The following IFRD1 variants were observed in gnomAD, a reference collection of about 807,000 sequenced individuals.
The protein encoded by IFRD1 is interferon-related developmental regulator 1.
IFRD1 carries 35 observed loss-of-function variants against 52.9 expected under a neutral mutation model. That is an observed-to-expected ratio of 0.66 (90% CI 0.51 to 0.88). IFRD1 has a LOEUF of 0.88. Ranked by LOEUF, IFRD1 falls within the 40% of genes least tolerant of loss-of-function variation. The probability of loss-of-function intolerance (pLI) is 0.00; values close to 1 mark genes in which losing one functional copy is unlikely to be tolerated. For missense variants in IFRD1, 517 were observed against 550.8 expected (o/e 0.94, Z 0.61); for synonymous variants, 184 against 188.4 (o/e 0.98, Z 0.19).
At chr7:112,433,277 T>C (rs943347523) in intron 1 of IFRD1, among the ~76,000 whole-genome samples, 1 of 151,942 alleles carries the variant, frequency 6.6e-6, no homozygotes, top group Non-Finnish European at 1.5e-5. Context: ...ATTTGGTGAG[T>C]AGTGGGTTGG....
chr7:112,425,367 A>G lies in IFRD1; in HGVS notation c.-182+1935A>G, dbSNP rs539456922. 4.6e-5 allele frequency among the ~76,000 whole-genome samples: 7 copies of G among 152,288 alleles called. No individual in the cohort carries two copies. The East Asian group carries it at 1.4e-3, about 29-fold the overall frequency. On this transcript the variant is annotated intron_variant, in intron 1 of 12. Coordinates refer to the IFRD1 transcript ENST00000005558. Reference sequence around the variant, plus strand: ...ACTGAATGAGGAAGATCTGCCCTCAATGTGGGTGGGCACCATCCAACGTGG... The same window carrying G: ...ACTGAATGAGGAAGATCTGCCCTCAGTGTGGGTGGGCACCATCCAACGTGG...
chr7:112,432,912 G>C (rs1362459029), intron 1 of IFRD1, among the ~76,000 whole-genome samples: 1 of 152,210 alleles, frequency 6.6e-6, no homozygotes, highest in Non-Finnish European at 1.5e-5. Context: ...TTTGAAAACA[G>C]AGTGAAAACA....
In IFRD1 at chr7:112,430,893, G is replaced by T. The variant is rs570904605; in HGVS notation, c.-182+7461G>T. 1.7e-3 allele frequency among the ~76,000 whole-genome samples: 252 copies of T among 152,286 alleles called. 8 individuals carry two copies. The South Asian group carries it at 0.051, about 31-fold the overall frequency. ...CCAGCATCATGTTTCACCTAGGTCAGCACCGTGTTCCCCAGCTAATTGATA... is the reference window on the plus strand; with the variant it reads ...CCAGCATCATGTTTCACCTAGGTCATCACCGTGTTCCCCAGCTAATTGATA... On this transcript the variant is annotated intron_variant, in intron 1 of 12. Coordinates refer to the IFRD1 transcript ENST00000005558.
chr7:112,473,669 C>T (rs2117339745), intron 11 of IFRD1, among the ~76,000 whole-genome samples: 1 of 152,286 alleles, frequency 6.6e-6, no homozygotes, highest in South Asian at 2.1e-4. Flanking sequence ...AGGTGATCCA[C>T]CCACTTTGGC....
intron 8 of IFRD1, 83 bp from the exon 9 acceptor site, chr7:112,467,898 T>A (rs1795651156): frequency 7.7e-7 from 1 of 1,296,350 alleles, no homozygotes; most frequent in Admixed American, 1.7e-5. Context: ...ATTTTCCAAA[T>A]GTAGACTGTT....
At chr7:112,425,788 C>T (rs545004311) in intron 1 of IFRD1, among the ~76,000 whole-genome samples, 1 of 152,140 alleles carries the variant, frequency 6.6e-6, no homozygotes, top group Non-Finnish European at 1.5e-5. Context: ...TGGGGCACTA[C>T]TCCTTCAAGA....
intron 5 of IFRD1, among the ~76,000 whole-genome samples, chr7:112,460,241 G>GTTTTTTTTTTTTTTTTTTT (rs35314166): frequency 2.2e-5 from 2 of 92,950 alleles, no homozygotes; most frequent in African/African-American, 3.9e-5. Flanking sequence ...CAGTCCTAGG[G>GTTTTTTTTTTTTTTTTTTT]TTTTTTTTTT....
chr7:112,425,260 G>A (rs1352898174), intron 1 of IFRD1, among the ~76,000 whole-genome samples: 1 of 152,178 alleles, frequency 6.6e-6, no homozygotes, highest in Non-Finnish European at 1.5e-5. Flanking sequence ...CTGAATTGAG[G>A]GAGGTGTAGA....
chr7:112,427,886 G>C (rs1307924658), intron 1 of IFRD1, among the ~76,000 whole-genome samples: 1 of 152,154 alleles, frequency 6.6e-6, no homozygotes, highest in Non-Finnish European at 1.5e-5. Flanking sequence ...GGAGAGGAGA[G>C]GGAAAGGCAG....
chr7:112,424,410 C>T (rs983848132), intron 1 of IFRD1, among the ~76,000 whole-genome samples: 1 of 146,728 alleles, frequency 6.8e-6, no homozygotes, highest in African/African-American at 2.5e-5. Context: ...GATAGTATTT[C>T]TTTCTTTCTT....
At chr7:112,471,313 A>G (rs1795739683) in intron 9 of IFRD1, among the ~76,000 whole-genome samples, 2 of 152,128 alleles carry the variant, frequency 1.3e-5, no homozygotes, top group African/African-American at 4.8e-5. Flanking sequence ...ATGAAATCAC[A>G]AGCCCGCAAG....
chr7:112,454,833 A>T (rs1346132553), intron 1 of IFRD1, among the ~76,000 whole-genome samples: 1 of 150,446 alleles, frequency 6.6e-6, no homozygotes, highest in African/African-American at 2.4e-5. Flanking sequence ...ATGGTCTAGA[A>T]ATAATTATTT....
intron 1 of IFRD1, among the ~76,000 whole-genome samples, chr7:112,454,407 G>A (rs1795237804): frequency 6.6e-6 from 1 of 152,018 alleles, no homozygotes; most frequent in Non-Finnish European, 1.5e-5. Context: ...TGGCCAGGCT[G>A]GTCTCCAACT....
intron 1 of IFRD1, among the ~76,000 whole-genome samples, chr7:112,452,724 T>C (rs773051240): frequency 7.9e-5 from 12 of 152,234 alleles, no homozygotes; most frequent in Non-Finnish European, 1.6e-4. Context: ...TAAATTTTGC[T>C]TCAGGGCTCA....
chr7:112,461,281 G>A (rs1165973907), intron 5 of IFRD1: 1 of 152,152 alleles, frequency 6.6e-6, no homozygotes, highest in African/African-American at 2.4e-5. Flanking sequence ...TCATAGTAGA[G>A]TCTTCATAAG....
At chr7:112,439,121 A>G (rs758272116) in intron 1 of IFRD1, among the ~76,000 whole-genome samples, 1 of 152,204 alleles carries the variant, frequency 6.6e-6, no homozygotes, top group Non-Finnish European at 1.5e-5. Flanking sequence ...ACACAATAAT[A>G]GTGGGCATAG....
At position 112,472,771 on chromosome 7, in the gene IFRD1, T is replaced by C. The variant is rs1795785315; in HGVS notation, c.1176T>C (p.Asn392=). The part of the protein sequence containing the change: ...GSGMQYHLQS[N]EFLRNVFELG... ...ACCTTTTTCTTTCACATAAGTCAAA[T>C]GAATTCCTTCGAAATGTATTTGAAC... The change falls in exon 11 of 12, where the codon AAT becomes AAC. Residue 392 remains asparagine (N), a synonymous_variant. Coordinates refer to ENST00000403825, the MANE Select transcript of IFRD1 (RefSeq NM_001550.4). 1.2e-6 allele frequency: 2 copies of C among 1,604,122 alleles called. No individual in the cohort carries two copies. Among genetic ancestry groups the C allele is most frequent in the African/African-American group, 1.3e-5 (1 of 74,752 alleles).
intron 1 of IFRD1, among the ~76,000 whole-genome samples, chr7:112,430,071 C>G (rs1031860541): frequency 4.6e-5 from 7 of 152,140 alleles, no homozygotes; most frequent in Admixed American, 2.0e-4. Context: ...TTGACAGCAC[C>G]TGCAGAGCCC....
At position 112,452,515 on chromosome 7, in the gene IFRD1, T is replaced by A. The variant is rs537700756; in HGVS notation, c.94+1733T>A. 51 of 887,676 alleles carry A rather than the reference T, an allele frequency of 5.7e-5. No individual in the cohort carries two copies. The South Asian group carries it at 2.1e-3, about 37-fold the overall frequency. The allele number at this position is 887,676 out of a possible 1,614,324, so 55.0% of individuals were successfully genotyped here. ...ACATTTGAATTCTTTCTAGAAGGTA[T>A]TTATTTTATTCTATTACCCTTTTGT... On this transcript the variant is annotated intron_variant, in intron 1 of 11. Coordinates refer to ENST00000403825, the MANE Select transcript of IFRD1 (RefSeq NM_001550.4).
Sources: allele counts gnomAD v4.1 joint callset (sites outside exome capture counted in the v4.1 genomes callset), GRCh38; gene constraint gnomAD v4.1.1; transcripts MANE v1.5; gene names NCBI Gene and HGNC (gene_info 2026-07-23, HGNC 2026-07-21).